GRIN2A: variants seen among roughly 807,000 people sequenced by gnomAD.
The protein encoded by GRIN2A is glutamate ionotropic receptor NMDA type subunit 2A.
A neutral mutation model predicts 113.4 loss-of-function variants in GRIN2A; 22 were observed. That is an observed-to-expected ratio of 0.19 (90% CI 0.14 to 0.28). GRIN2A has a LOEUF of 0.28. Among genes scored for constraint, GRIN2A ranks in the 10% least tolerant of loss-of-function variants. The pLI, the probability that GRIN2A is intolerant of heterozygous loss-of-function variation, is 1.00. For missense variants in GRIN2A, 1,502 were observed against 1,887.0 expected (o/e 0.80, Z 3.78); for synonymous variants, 827 against 738.4 (o/e 1.12, Z -1.94).
At chr16:10,039,454 G>C (rs1053285010) in intron 2 of GRIN2A, among the ~76,000 whole-genome samples, 2 of 152,166 alleles carry the variant, frequency 1.3e-5, no homozygotes, top group African/African-American at 4.8e-5. Context: ...AACTGTAAAA[G>C]ATAGAGTTGT....
chr16:9,762,880 C>T lies in GRIN2A; in HGVS notation c.*269G>A. 1.8e-6 allele frequency: 1 copy of T among 543,956 alleles called. No homozygotes were observed. Among genetic ancestry groups the T allele is most frequent in the South Asian group, 2.3e-5 (1 of 43,962 alleles). The allele number at this position is 543,956 out of a possible 1,614,324, so 33.7% of individuals were successfully genotyped here. On this transcript the variant is annotated 3_prime_UTR_variant, in exon 13 of 13. Transcript: ENST00000330684. ...TGCCAACATACCCAGTAGGCATGTC[C>T]CGGAGACTTGCCCTTATGTAGTTAG...
intron 5 of GRIN2A, among the ~76,000 whole-genome samples, chr16:9,842,697 G>A (rs1359218527): frequency 6.6e-6 from 1 of 152,186 alleles, no homozygotes; most frequent in Non-Finnish European, 1.5e-5. Context: ...AGCACTTTGG[G>A]AAGCCAAGTT....
At chr16:9,809,512 T>C (rs569110131) in intron 10 of GRIN2A, among the ~76,000 whole-genome samples, 57 of 152,108 alleles carry the variant, frequency 3.7e-4, no homozygotes, top group African/African-American at 1.3e-3. Flanking sequence ...CAGATTGGCA[T>C]TGAGATGCCA....
chr16:9,936,906 G>A (rs1426252920), intron 3 of GRIN2A, among the ~76,000 whole-genome samples: 1 of 152,176 alleles, frequency 6.6e-6, no homozygotes, highest in African/African-American at 2.4e-5. Context: ...ATAAATTGGT[G>A]TTGTTACTTT....
chr16:10,135,827 C>T (rs1394537571), intron 2 of GRIN2A, among the ~76,000 whole-genome samples: 3 of 152,146 alleles, frequency 2.0e-5, no homozygotes, highest in Non-Finnish European at 2.9e-5. Context: ...CTAAGATAAC[C>T]TCCCTTAAAG....
At chr16:9,935,809 C>A (rs1018138387) in intron 3 of GRIN2A, among the ~76,000 whole-genome samples, 8 of 152,104 alleles carry the variant, frequency 5.3e-5, no homozygotes, top group African/African-American at 1.9e-4. Context: ...TCAAGTGATT[C>A]TCCTGCCTCA....
At chr16:9,935,472 G>A (rs1210269080) in intron 3 of GRIN2A, among the ~76,000 whole-genome samples, 1 of 149,046 alleles carries the variant, frequency 6.7e-6, no homozygotes, top group African/African-American at 2.5e-5. Context: ...TCATTTTTCA[G>A]ATTTATGTTA....
chr16:9,875,483 C>T (rs575010592), intron 4 of GRIN2A, among the ~76,000 whole-genome samples: 1 of 152,280 alleles, frequency 6.6e-6, no homozygotes, highest in South Asian at 2.1e-4. Flanking sequence ...GCTGACAGAG[C>T]CACTTGTAGC....
chr16:9,813,871 G>C (rs1169437043), intron 10 of GRIN2A, among the ~76,000 whole-genome samples: 1 of 152,146 alleles, frequency 6.6e-6, no homozygotes, highest in East Asian at 1.9e-4. Context: ...ACCCCATTTA[G>C]AACAGCTCAC....
chr16:10,102,206 G>T (rs554635004), intron 2 of GRIN2A, among the ~76,000 whole-genome samples: 1 of 152,246 alleles, frequency 6.6e-6, no homozygotes, highest in Non-Finnish European at 1.5e-5. Context: ...AGGGCCTGGC[G>T]GGAGGCCATT....
chr16:10,113,936 G>A (rs1296684927), intron 2 of GRIN2A, among the ~76,000 whole-genome samples: 1 of 151,992 alleles, frequency 6.6e-6, no homozygotes, highest in Non-Finnish European at 1.5e-5. Context: ...GGGCATGGTG[G>A]CTCACACATG....
intron 2 of GRIN2A, among the ~76,000 whole-genome samples, chr16:10,110,688 C>A (rs1433501443): frequency 1.3e-5 from 2 of 152,234 alleles, no homozygotes; most frequent in Non-Finnish European, 2.9e-5. Flanking sequence ...GATAAGTGAT[C>A]ATAAATCCTA....
chr16:9,983,336 T>C (rs930799687), intron 2 of GRIN2A, among the ~76,000 whole-genome samples: 2 of 152,214 alleles, frequency 1.3e-5, no homozygotes, highest in Non-Finnish European at 2.9e-5. Context: ...CCACATGAAG[T>C]GAAAACACGT....
At chr16:10,024,971 A>G (rs1435202888) in intron 2 of GRIN2A, among the ~76,000 whole-genome samples, 1 of 152,182 alleles carries the variant, frequency 6.6e-6, no homozygotes, top group East Asian at 1.9e-4. Context: ...AAAAAAGCAT[A>G]GTTGAAATGG....
chr16:10,056,208 T>A (rs2047454548), intron 2 of GRIN2A, among the ~76,000 whole-genome samples: 1 of 152,254 alleles, frequency 6.6e-6, no homozygotes, highest in Non-Finnish European at 1.5e-5. Flanking sequence ...AAGAAATTAA[T>A]AATATAATTG....
intron 5 of GRIN2A, among the ~76,000 whole-genome samples, chr16:9,842,993 A>G (rs900906122): frequency 5.3e-5 from 8 of 151,006 alleles, no homozygotes; most frequent in Middle Eastern, 3.4e-3. Flanking sequence ...GAAAGAAAGA[A>G]AGAGAGAAAC....
rs1347007533 is a variant in GRIN2A at position 9,757,456 on chromosome 16, G to T, written c.*5693C>A. The T allele has an allele frequency of 4.5e-6, 1 of 223,948 alleles. No individual in the cohort carries two copies. The highest frequency in any genetic ancestry group is 8.8e-6 in the Non-Finnish European group (1 of 113,942). The allele number at this position is 223,948 out of a possible 1,614,324, so 13.9% of individuals were successfully genotyped here. ...TGTCATTTCTAATTTTTGCTGTTTAGTCTCTGTTTGCATTGCATGGGTCCT... is the reference window on the plus strand; with the variant it reads ...TGTCATTTCTAATTTTTGCTGTTTATTCTCTGTTTGCATTGCATGGGTCCT... On this transcript the variant is annotated 3_prime_UTR_variant, in exon 13 of 13. Coordinates refer to ENST00000330684, the MANE Select transcript of GRIN2A (RefSeq NM_001134407.3).
In GRIN2A at chr16:9,768,947, G is replaced by A. The variant is rs1899861392; in HGVS notation, c.2499C>T (p.Ile833=). The stretch of plus-strand genomic sequence containing the variant: ...AGAAGAGGTGCTCCCAGATGAAGGT[G>A]ATGAGGCTAAGGGCCATGGCGGCAG... ...MLAAAMALSL[I]TFIWEHLFYW... The change falls in exon 12 of 13, where the codon ATC becomes ATT. Residue 833 remains isoleucine (I), a synonymous_variant. Transcript: ENST00000330684. 6.2e-7 allele frequency: 1 copy of A among 1,614,184 alleles called. No homozygotes were observed. The highest frequency in any genetic ancestry group is 8.5e-7 in the Non-Finnish European group (1 of 1,179,996).
intron 2 of GRIN2A, among the ~76,000 whole-genome samples, chr16:9,951,236 A>G (rs1264988189): frequency 6.6e-6 from 1 of 152,190 alleles, no homozygotes; most frequent in African/African-American, 2.4e-5. Context: ...CCTAATCTGC[A>G]CTGTTTTCCT....
Sources: gnomAD v4.1 joint callset for allele counts (sites outside exome capture counted in the v4.1 genomes callset) on GRCh38, gnomAD v4.1.1 for gene constraint, MANE v1.5 for transcripts, NCBI Gene and HGNC (gene_info 2026-07-23, HGNC 2026-07-21) for gene names.